ARNT: variants seen among roughly 807,000 people sequenced by gnomAD.
The protein encoded by ARNT is aryl hydrocarbon receptor nuclear translocator.
In ARNT, 30 loss-of-function variants were observed where a neutral mutation model predicts 105.0. The observed-to-expected ratio is 0.29, with a 90% CI of 0.21 to 0.39. The LOEUF (loss-of-function observed/expected upper bound fraction) is 0.39. ARNT is among the 10% of genes least tolerant of loss of function. The pLI is 1.00. For missense variants in ARNT, 748 were observed against 978.7 expected, an observed-to-expected ratio of 0.76 and a Z score of 3.15; for synonymous variants, 304 against 344.0, an observed-to-expected ratio of 0.88 and a Z score of 1.29.
chr1:150,842,560 G>T (rs587641663), intron 4 of ARNT, 92 bp from the exon 5 acceptor site: 4 of 1,070,302 alleles, frequency 3.7e-6, no homozygotes, highest in Non-Finnish European at 5.5e-6. Context: ...AAGGAGGGAG[G>T]GAGAGGAAAT....
intron 12 of ARNT, 63 bp from the exon 13 acceptor site, chr1:150,826,680 T>C: frequency 3.8e-6 from 5 of 1,304,590 alleles, no homozygotes; most frequent in Non-Finnish European, 5.4e-6. Flanking sequence ...GTTTCGCTCT[T>C]GTTGCCCAGG....
At chr1:150,845,759 G>A (rs587729941) in intron 4 of ARNT, among the ~76,000 whole-genome samples, 2 of 151,746 alleles carry the variant, frequency 1.3e-5, no homozygotes, top group African/African-American at 4.8e-5. Context: ...AAAATTAGCT[G>A]GGCGTGGTGG....
chr1:150,826,180 G>A (rs1234313652), intron 13 of ARNT, among the ~76,000 whole-genome samples: 1 of 152,174 alleles, frequency 6.6e-6, no homozygotes, highest in East Asian at 1.9e-4. Flanking sequence ...CTCCCAGAGT[G>A]CTGGGATTAT....
At chr1:150,834,025 C>T (rs1401960250) in intron 8 of ARNT, among the ~76,000 whole-genome samples, 2 of 151,816 alleles carry the variant, frequency 1.3e-5, no homozygotes, top group Admixed American at 1.3e-4. Context: ...ACCTCCACCT[C>T]CTGGGTTCAA....
At chr1:150,849,507 C>T (rs1186793680) in intron 3 of ARNT, among the ~76,000 whole-genome samples, 2 of 152,116 alleles carry the variant, frequency 1.3e-5, no homozygotes, top group East Asian at 1.9e-4. Flanking sequence ...ATTTTCAGGC[C>T]GGGTACAGTG....
chr1:150,859,346 T>C (rs952249898), intron 1 of ARNT, among the ~76,000 whole-genome samples: 1 of 138,810 alleles, frequency 7.2e-6, no homozygotes, highest in Admixed American at 7.2e-5. Context: ...GCTGAGTACT[T>C]TTTTTTTTTT....
At chr1:150,853,524 G>A (rs1185415292) in intron 2 of ARNT, among the ~76,000 whole-genome samples, 1 of 152,204 alleles carries the variant, frequency 6.6e-6, no homozygotes, top group Non-Finnish European at 1.5e-5. Flanking sequence ...TTTCAAAGCA[G>A]TGATCTTACA....
intron 12 of ARNT, among the ~76,000 whole-genome samples, chr1:150,827,398 T>A (rs1422242097): frequency 2.0e-5 from 3 of 152,216 alleles, no homozygotes; most frequent in African/African-American, 7.2e-5. Context: ...CTGCTATTTC[T>A]ACAAATTTCA....
Position 150,851,280 on chromosome 1 carries a change from T to TG in ARNT, c.182+1481dup, listed in dbSNP as rs587720879. On this transcript the variant is annotated intron_variant, in intron 3 of 21. Transcript: ENST00000358595. The stretch of plus-strand genomic sequence containing the variant: ...CCCAGCCGCCGCCCCGTCCGGGAGG[T>TG]GGGGGGCGCCTCTGCCCGGCCACCC... 6.3e-4 allele frequency among the ~76,000 whole-genome samples: 91 copies of TG among 145,040 alleles called. 1 individual carries two copies. The South Asian group carries it at 0.017, about 26-fold the overall frequency.
intron 4 of ARNT, among the ~76,000 whole-genome samples, chr1:150,845,125 T>A (rs893379372): frequency 6.6e-6 from 1 of 152,030 alleles, no homozygotes; most frequent in South Asian, 2.1e-4. Flanking sequence ...CTGTCATTTT[T>A]AAAAAAACAG....
rs1291220437 is a variant in ARNT at position 150,858,762 on chromosome 1, T to C, written c.26-302A>G. ...TCAGCTTCTGGAATAGCTAGGACTA[T>C]AGGCCCGCACTACCACACCCAGTTA... On this transcript the variant is annotated intron_variant, in intron 1 of 21. Coordinates refer to ENST00000358595, the MANE Select transcript of ARNT (RefSeq NM_001668.4). 3.3e-5 allele frequency among the ~76,000 whole-genome samples: 5 copies of C among 151,532 alleles called. No homozygotes were observed. The South Asian group carries it at 8.3e-4, about 25-fold the overall frequency.
At chr1:150,816,920 CAGTCAAGGGGCTGT>C in intron 17 of ARNT, 30 bp from the exon 18 acceptor site, 1 of 1,605,384 alleles carries the variant, frequency 6.2e-7, no homozygotes, top group Non-Finnish European at 8.5e-7. Flanking sequence ...GGGGAAGGGC[CAGTCAAGGGGCTGT>C]AGTATATTAG....
chr1:150,858,530 T>C, intron 1 of ARNT, 70 bp from the exon 2 acceptor site: 1 of 1,246,264 alleles, frequency 8.0e-7, no homozygotes, highest in Non-Finnish European at 1.1e-6. Context: ...ATCATCAAGT[T>C]AGCTAAAAGA....
chr1:150,834,856 G>T, intron 7 of ARNT: 1 of 475,992 alleles, frequency 2.1e-6, no homozygotes. Flanking sequence ...AGGCAGCATT[G>T]AAAATAACAT....
intron 4 of ARNT, 128 bp downstream of exon 4, chr1:150,846,135 A>G (rs1312815849): frequency 1.4e-6 from 1 of 715,132 alleles, no homozygotes; most frequent in African/African-American, 1.8e-5. Context: ...ATACTTCCAA[A>G]TAGGAAAGAT....
chr1:150,821,384 A>G (rs988538099), intron 14 of ARNT, among the ~76,000 whole-genome samples: 2 of 152,260 alleles, frequency 1.3e-5, no homozygotes, highest in Non-Finnish European at 2.9e-5. Flanking sequence ...TGCAAGAACC[A>G]TGAGATTTCA....
intron 1 of ARNT, among the ~76,000 whole-genome samples, chr1:150,874,045 T>C (rs61817645): frequency 1.1e-5 from 1 of 87,682 alleles, no homozygotes; most frequent in Non-Finnish European, 2.5e-5. Context: ...AAAAAAAAAT[T>C]AGTACTCCAG....
chr1:150,835,054 G>A (rs745385044), intron 7 of ARNT, among the ~76,000 whole-genome samples: 2 of 151,530 alleles, frequency 1.3e-5, no homozygotes, highest in African/African-American at 4.8e-5. Context: ...CTTGAGGGCA[G>A]GAGTTTGAGG....
chr1:150,836,224 T>G (rs1246423072), intron 7 of ARNT, 56 bp downstream of exon 7: 2 of 1,559,196 alleles, frequency 1.3e-6, no homozygotes, highest in Non-Finnish European at 1.8e-6. Flanking sequence ...CTCTTAAGTC[T>G]CAGGAAAAAA....
Sources: allele counts gnomAD v4.1 joint callset (sites outside exome capture counted in the v4.1 genomes callset), GRCh38; gene constraint gnomAD v4.1.1; transcripts MANE v1.5; gene names NCBI Gene and HGNC (gene_info 2026-07-23, HGNC 2026-07-21).